The following GTF2A1 variants were observed in gnomAD, a reference collection of about 807,000 sequenced individuals.
GTF2A1 encodes transcription initiation factor IIA subunit 1.
GTF2A1 carries 12 observed loss-of-function variants against 54.1 expected under a neutral mutation model. The ratio of observed to expected loss-of-function variants is 0.22; its 90% CI spans 0.14 to 0.36. The LOEUF is 0.36. GTF2A1 is among the 10% of genes least tolerant of loss of function. The probability of loss-of-function intolerance (pLI) is 1.00; values close to 1 mark genes in which losing one functional copy is unlikely to be tolerated. For synonymous variants in GTF2A1, 145 were observed against 152.0 expected (o/e 0.95, Z 0.34); for missense variants, 335 against 442.2 (o/e 0.76, Z 2.17).
At position 81,179,761 on chromosome 14, in the gene GTF2A1, A is replaced by G. The variant is rs1343418536; in HGVS notation, c.*462T>C. On this transcript the variant is annotated 3_prime_UTR_variant, in exon 9 of 9. Coordinates refer to ENST00000553612, the MANE Select transcript of GTF2A1 (RefSeq NM_015859.4). ...TTCTTATACAAGTGAATTAAAATTCAACACAATTCTTACCCTTTTGTAAAA... is the reference window on the plus strand; with the variant it reads ...TTCTTATACAAGTGAATTAAAATTCGACACAATTCTTACCCTTTTGTAAAA... 1 of 152,300 alleles carries G rather than the reference A, an allele frequency of 6.6e-6. No individual in the cohort carries two copies. The allele number at this position is 152,300 out of a possible 1,614,324, so 9.4% of individuals were successfully genotyped here.
In GTF2A1 at chr14:81,220,728, G is replaced by T. The variant is rs1893619634; in HGVS notation, c.-210C>A. On this transcript the variant is annotated 5_prime_UTR_variant, in exon 1 of 9. Transcript: ENST00000553612. Reference sequence around the variant, plus strand: ...CTCCTCCCGCAGCTGAAAACCTCGAGAATCGCCTTAAAAAAAAAAAAAAAG... The same window carrying T: ...CTCCTCCCGCAGCTGAAAACCTCGATAATCGCCTTAAAAAAAAAAAAAAAG... The T allele has an allele frequency of 8.8e-5, 22 of 249,332 alleles. No homozygotes were observed. The highest frequency in any genetic ancestry group is 1.9e-4 in the East Asian group (3 of 16,006). The allele number at this position is 249,332 out of a possible 1,614,324, so 15.4% of individuals were successfully genotyped here.
chr14:81,188,537 C>T (rs1459060046), intron 7 of GTF2A1, among the ~76,000 whole-genome samples: 1 of 151,992 alleles, frequency 6.6e-6, no homozygotes, highest in Admixed American at 6.6e-5. Flanking sequence ...TTTGCGAGGC[C>T]GAGGTGGGCA....
chr14:81,201,571 A>C, intron 4 of GTF2A1, 23 bp downstream of exon 4: 1 of 1,427,444 alleles, frequency 7.0e-7, no homozygotes, highest in Non-Finnish European at 9.9e-7. Flanking sequence ...CAGCCAATCA[A>C]ACTGCTACAT....
chr14:81,180,338 A>G lies in GTF2A1; in HGVS notation c.1024-8T>C. ...GTTTTTACTTCTGTGTATCTAAACA[A>G]AAACAACATTTTAAAAATTGAGAGA... On this transcript the variant is annotated splice_region_variant and splice_polypyrimidine_tract_variant and intron_variant, in intron 8 of 8. Transcript: ENST00000553612. 8.7e-7 allele frequency: 1 copy of G among 1,146,330 alleles called. No homozygotes were observed. The highest frequency in any genetic ancestry group is 1.3e-6 in the Non-Finnish European group (1 of 769,756). The allele number at this position is 1,146,330 out of a possible 1,614,324, so 71.0% of individuals were successfully genotyped here.
At chr14:81,185,356 A>T (rs1892721065) in intron 8 of GTF2A1, among the ~76,000 whole-genome samples, 175 bp downstream of exon 8, 1 of 152,078 alleles carries the variant, frequency 6.6e-6, no homozygotes, top group Non-Finnish European at 1.5e-5. Context: ...CTAAGAAATT[A>T]ATCTTTCATT....
At chr14:81,216,317 C>T (rs764537369) in intron 2 of GTF2A1, 96 bp downstream of exon 2, 19 of 658,264 alleles carry the variant, frequency 2.9e-5, no homozygotes, top group Non-Finnish European at 3.0e-5. Flanking sequence ...CTCAACTATA[C>T]GTTCATCCTA....
At chr14:81,217,301 A>G (rs886134827) in intron 1 of GTF2A1, among the ~76,000 whole-genome samples, 2 of 152,192 alleles carry the variant, frequency 1.3e-5, no homozygotes, top group Admixed American at 6.5e-5. Context: ...AAAGTATAAA[A>G]TATTTTTTAA....
intron 4 of GTF2A1, 64 bp downstream of exon 4, chr14:81,201,530 G>C (rs1431682353): frequency 3.3e-6 from 3 of 916,460 alleles, no homozygotes; most frequent in Admixed American, 1.8e-5. Flanking sequence ...ACATATATAG[G>C]CATAATTACA....
chr14:81,215,988 C>A (rs1231975503), intron 2 of GTF2A1, among the ~76,000 whole-genome samples: 1 of 152,098 alleles, frequency 6.6e-6, no homozygotes, highest in African/African-American at 2.4e-5. Flanking sequence ...CCACTGCACT[C>A]CAGCCTGGGC....
intron 7 of GTF2A1, 72 bp from the exon 8 acceptor site, chr14:81,185,692 C>A: frequency 2.6e-6 from 2 of 759,494 alleles, no homozygotes; most frequent in South Asian, 1.7e-5. Flanking sequence ...AATATAATGA[C>A]CTTGATGTTC....
At chr14:81,193,986 C>A (rs2140155163) in intron 6 of GTF2A1, among the ~76,000 whole-genome samples, 1 of 152,244 alleles carries the variant, frequency 6.6e-6, no homozygotes, top group South Asian at 2.1e-4. Context: ...TATGGGAACA[C>A]AAGAGAGTGT....
rs1027499984 is a variant in GTF2A1, at chr14:81,195,341, GA to G, written c.612+766del. On this transcript the variant is annotated intron_variant, in intron 6 of 8. Transcript: ENST00000553612. ...CAACCATGGCAAAACTGCAGTTAAAGAAAAAAAAAAGGCCGGGCGCAGTGGC... is the reference window on the plus strand; with the variant it reads ...CAACCATGGCAAAACTGCAGTTAAAGAAAAAAAAAGGCCGGGCGCAGTGGC... Among the ~76,000 whole-genome samples, 28 of 142,310 alleles carry G rather than the reference GA, an allele frequency of 2.0e-4. No homozygotes were observed. In the East Asian group the frequency reaches 4.5e-3, roughly 23 times the overall value. 93.4% of individuals were successfully genotyped at this position (142,310 alleles called of 152,430 possible).
chr14:81,210,225 T>C (rs8021526), intron 2 of GTF2A1, among the ~76,000 whole-genome samples: 1,577 of 152,266 alleles, frequency 0.01, 29 homozygotes, highest in African/African-American at 0.036. Context: ...ATGTAAGACA[T>C]ACAAAAAGAG....
intron 2 of GTF2A1, among the ~76,000 whole-genome samples, chr14:81,209,035 T>C (rs1432384954): frequency 6.6e-6 from 1 of 152,144 alleles, no homozygotes; most frequent in Non-Finnish European, 1.5e-5. Context: ...GTTAAGACTT[T>C]GGGGGACTGC....
intron 6 of GTF2A1, among the ~76,000 whole-genome samples, chr14:81,193,850 GAC>G (rs1308362329): frequency 1.3e-5 from 2 of 152,096 alleles, no homozygotes; most frequent in African/African-American, 2.4e-5. Flanking sequence ...GCAAAAATAA[GAC>G]ACAGTATTTC....
At chr14:81,197,609 G>C (rs1893018990) in intron 4 of GTF2A1, 125 bp from the exon 5 acceptor site, 1 of 551,604 alleles carries the variant, frequency 1.8e-6, no homozygotes, top group Non-Finnish European at 3.2e-6. Context: ...AATCTAGTAA[G>C]GCTAAATCCC....
intron 2 of GTF2A1, among the ~76,000 whole-genome samples, chr14:81,211,798 TAAATG>T (rs1374295848): frequency 4.7e-5 from 7 of 149,850 alleles, no homozygotes; most frequent in African/African-American, 1.5e-4. Context: ...TCCCTAAGAA[TAAATG>T]AAATGAAATA....
chr14:81,192,041 T>C (rs540413772), intron 7 of GTF2A1, among the ~76,000 whole-genome samples: 4 of 152,322 alleles, frequency 2.6e-5, no homozygotes, highest in African/African-American at 7.2e-5. Flanking sequence ...TAAGGGTACA[T>C]AGGTTTTTAA....
intron 7 of GTF2A1, among the ~76,000 whole-genome samples, chr14:81,191,194 A>G (rs929740457): frequency 6.6e-6 from 1 of 150,992 alleles, no homozygotes; most frequent in Non-Finnish European, 1.5e-5. Context: ...GCCTGACACT[A>G]TCAGGTATTG....
Sources: gnomAD v4.1 joint callset for allele counts (sites outside exome capture counted in the v4.1 genomes callset) on GRCh38, gnomAD v4.1.1 for gene constraint, MANE v1.5 for transcripts, NCBI Gene and HGNC (gene_info 2026-07-23, HGNC 2026-07-21) for gene names.